The following GRM7 variants were observed in gnomAD, a reference collection of about 807,000 sequenced individuals.
GRM7 encodes the protein glutamate metabotropic receptor 7.
A neutral mutation model predicts 84.5 loss-of-function variants in GRM7; 35 were observed. That is an observed-to-expected ratio of 0.41 (90% CI 0.32 to 0.55). GRM7 has a LOEUF of 0.55. Among genes scored for constraint, GRM7 ranks in the 20% least tolerant of loss-of-function variants. The pLI is 0.19. For missense variants in GRM7, 1,003 were observed against 1,194.6 expected, an observed-to-expected ratio of 0.84 and a Z score of 2.36; for synonymous variants, 487 against 455.1, an observed-to-expected ratio of 1.07 and a Z score of -0.89.
intron 8 of GRM7, among the ~76,000 whole-genome samples, chr3:7,629,312 G>A (rs1697762326): frequency 6.6e-6 from 1 of 152,184 alleles, no homozygotes; most frequent in Admixed American, 6.5e-5. Flanking sequence ...AGACTGGATG[G>A]CTTAAACAGT....
chr3:7,474,637 T>C (rs931854862), intron 7 of GRM7, among the ~76,000 whole-genome samples: 3 of 151,898 alleles, frequency 2.0e-5, no homozygotes, highest in African/African-American at 7.3e-5. Flanking sequence ...GTATCAGAGT[T>C]TTTTTTAAGC....
At chr3:7,611,663 G>C (rs946487642) in intron 8 of GRM7, among the ~76,000 whole-genome samples, 1 of 152,140 alleles carries the variant, frequency 6.6e-6, no homozygotes, top group Non-Finnish European at 1.5e-5. Flanking sequence ...GCTCATAAAA[G>C]TTGCCCGATG....
At chr3:7,394,977 G>T (rs958957255) in intron 4 of GRM7, among the ~76,000 whole-genome samples, 1 of 150,978 alleles carries the variant, frequency 6.6e-6, no homozygotes. Flanking sequence ...GGTGGAGGTT[G>T]CAGTGAGCTG....
At chr3:7,105,787 A>T (rs1478551264) in intron 1 of GRM7, among the ~76,000 whole-genome samples, 1 of 151,836 alleles carries the variant, frequency 6.6e-6, no homozygotes, top group Non-Finnish European at 1.5e-5. Flanking sequence ...ATAAATTTAA[A>T]TTATTTTCTA....
intron 7 of GRM7, among the ~76,000 whole-genome samples, chr3:7,524,185 A>G (rs1303123316): frequency 2.6e-5 from 4 of 151,322 alleles, no homozygotes; most frequent in Non-Finnish European, 2.9e-5. Flanking sequence ...AGGCATTACC[A>G]TTCAGGACAT....
chr3:7,250,040 C>T (rs1260109851), intron 2 of GRM7, among the ~76,000 whole-genome samples: 1 of 152,088 alleles, frequency 6.6e-6, no homozygotes, highest in Non-Finnish European at 1.5e-5. Context: ...TCGCACGGTC[C>T]CCGCCCCTCA....
At chr3:6,971,304 C>T (rs1007534934) in intron 1 of GRM7, among the ~76,000 whole-genome samples, 6 of 152,126 alleles carry the variant, frequency 3.9e-5, no homozygotes, top group Non-Finnish European at 8.8e-5. Context: ...AATATTTTAA[C>T]TTTTAAAAAT....
At chr3:7,480,140 T>C (rs1699073691) in intron 7 of GRM7, among the ~76,000 whole-genome samples, 2 of 152,138 alleles carry the variant, frequency 1.3e-5, no homozygotes, top group Admixed American at 6.5e-5. Flanking sequence ...GTCCTATCCA[T>C]CACAGAGTCT....
rs567160561 is a variant in GRM7 at position 7,261,019 on chromosome 3, G to A, written c.737-37665G>A. On this transcript the variant is annotated intron_variant, in intron 2 of 9. Transcript: ENST00000357716. ...CCTTCCCTCTGAATATCTGCTAGGG[G>A]GGTGCCAGTCTTCCCTGTGTCCCGG... 2.6e-5 allele frequency among the ~76,000 whole-genome samples: 4 copies of A among 152,202 alleles called. No homozygotes were observed. The South Asian group carries it at 8.3e-4, about 32-fold the overall frequency.
At position 7,260,328 on chromosome 3, in the gene GRM7, C is replaced by A. The variant is rs1298961243; in HGVS notation, c.737-38356C>A. 2.8e-4 allele frequency among the ~76,000 whole-genome samples: 43 copies of A among 151,898 alleles called. 1 individual carries two copies. The highest frequency in any genetic ancestry group is 2.8e-3 in the Admixed American group (43 of 15,250). ...GTCCATTTTTGCTTCTGTTGCAATT[C>A]TTTTTTGTGTCTTTGTCATGAAATC... On this transcript the variant is annotated intron_variant, in intron 2 of 9. Coordinates refer to ENST00000357716, the MANE Select transcript of GRM7 (RefSeq NM_000844.4).
chr3:7,002,058 G>A (rs185546849), intron 1 of GRM7, among the ~76,000 whole-genome samples: 126 of 152,270 alleles, frequency 8.3e-4, no homozygotes, highest in African/African-American at 2.6e-3. Context: ...GTTAATTAGT[G>A]GGAAACTTTC....
intron 1 of GRM7, among the ~76,000 whole-genome samples, chr3:6,947,761 C>A (rs1698145412): frequency 6.6e-6 from 1 of 152,172 alleles, no homozygotes. Context: ...AGAGATTCAA[C>A]TTCTTCCTGG....
At chr3:7,211,919 C>T (rs1242490429) in intron 2 of GRM7, among the ~76,000 whole-genome samples, 1 of 151,946 alleles carries the variant, frequency 6.6e-6, no homozygotes, top group African/African-American at 2.4e-5. Context: ...CTTCAGTCAC[C>T]CTAGCTCCGT....
chr3:7,132,368 A>G (rs1693630116), intron 1 of GRM7, among the ~76,000 whole-genome samples: 1 of 152,198 alleles, frequency 6.6e-6, no homozygotes, highest in Admixed American at 6.5e-5. Flanking sequence ...GGGTACCCAC[A>G]AGCATACGTA....
intron 1 of GRM7, among the ~76,000 whole-genome samples, chr3:6,970,399 C>T (rs1693703795): frequency 6.6e-6 from 1 of 152,106 alleles, no homozygotes. Flanking sequence ...TTCTTTGGAC[C>T]GTACTTACAA....
chr3:7,639,101 A>G (rs1422215552), intron 8 of GRM7, among the ~76,000 whole-genome samples: 1 of 152,140 alleles, frequency 6.6e-6, no homozygotes, highest in African/African-American at 2.4e-5. Flanking sequence ...CACCTCCAAC[A>G]TCCAGACAAC....
At chr3:7,574,212 T>G (rs1348421509) in intron 7 of GRM7, among the ~76,000 whole-genome samples, 3 of 149,100 alleles carry the variant, frequency 2.0e-5, no homozygotes, top group Non-Finnish European at 4.4e-5. Context: ...CAGGCTGGAG[T>G]GCAGAGGCAC....
intron 1 of GRM7, among the ~76,000 whole-genome samples, chr3:7,113,742 T>C (rs779842409): frequency 3.3e-5 from 5 of 152,166 alleles, no homozygotes; most frequent in Non-Finnish European, 7.4e-5. Flanking sequence ...TGATGAAATA[T>C]GGTATCTGTC....
intron 4 of GRM7, among the ~76,000 whole-genome samples, chr3:7,411,863 A>T (rs193181963): frequency 1.3e-5 from 2 of 152,272 alleles, no homozygotes; most frequent in South Asian, 4.1e-4. Flanking sequence ...CAATGTTAGT[A>T]GATAATGCTG....
Sources: allele counts gnomAD v4.1 joint callset (sites outside exome capture counted in the v4.1 genomes callset), GRCh38; gene constraint gnomAD v4.1.1; transcripts MANE v1.5; gene names NCBI Gene and HGNC (gene_info 2026-07-23, HGNC 2026-07-21).